NXN: variants seen among roughly 807,000 people sequenced by gnomAD.
NXN encodes the protein nucleoredoxin 1.
In NXN, 16 loss-of-function variants were observed where a neutral mutation model predicts 48.6. That is an observed-to-expected ratio of 0.33 (90% confidence interval 0.22 to 0.50). The LOEUF (loss-of-function observed/expected upper bound fraction) is 0.50. Among genes scored for constraint, NXN ranks in the 20% least tolerant of loss-of-function variants. The pLI is 0.98. For missense variants in NXN, 492 were observed against 605.5 expected (o/e 0.81, Z 1.97); for synonymous variants, 281 against 269.6 (o/e 1.04, Z -0.41).
Position 800,933 on chromosome 17 carries a change from G to C in NXN, c.*16C>G, listed in dbSNP as rs755922734. On this transcript the variant is annotated 3_prime_UTR_variant, in exon 8 of 8. Coordinates refer to ENST00000336868, the MANE Select transcript of NXN (RefSeq NM_022463.5). ...AGGCTGAGTTTTAAATAACGTCTCA[G>C]GAGGCCGGAGCCACGCTAGATGGGC... The C allele has an allele frequency of 1.4e-6, 2 of 1,420,024 alleles. No homozygotes were observed. Among genetic ancestry groups the C allele is most frequent in the South Asian group, 3.3e-5 (2 of 61,204 alleles). The allele number at this position is 1,420,024 out of a possible 1,614,324, so 88.0% of individuals were successfully genotyped here.
At chr17:861,590 G>A (rs557857380) in intron 1 of NXN, among the ~76,000 whole-genome samples, 1 of 152,270 alleles carries the variant, frequency 6.6e-6, no homozygotes, top group South Asian at 2.1e-4. Context: ...AGGGGAGGGA[G>A]AGGCCAAGCT....
At position 934,692 on chromosome 17, in the gene NXN, G is replaced by A. The variant is rs367562736; in HGVS notation, c.360+44627C>T. Among the ~76,000 whole-genome samples the A allele has an allele frequency of 8.6e-5, 13 of 151,556 alleles. No individual in the cohort carries two copies. The East Asian group carries it at 1.4e-3, about 16-fold the overall frequency. On this transcript the variant is annotated intron_variant, in intron 1 of 7. Coordinates refer to ENST00000336868, the MANE Select transcript of NXN (RefSeq NM_022463.5). ...AGTTCGGGACCAGCCTGGCCAACACGGTGAAACCCCATCTCTACTAAAAAT... is the reference window on the plus strand; with the variant it reads ...AGTTCGGGACCAGCCTGGCCAACACAGTGAAACCCCATCTCTACTAAAAAT...
At chr17:936,334 G>A (rs568406258) in intron 1 of NXN, among the ~76,000 whole-genome samples, 1 of 152,134 alleles carries the variant, frequency 6.6e-6, no homozygotes, top group African/African-American at 2.4e-5. Flanking sequence ...TGGGGTGGAA[G>A]AGCCGCCCTC....
intron 1 of NXN, among the ~76,000 whole-genome samples, chr17:939,625 C>T (rs749179092): frequency 6.6e-5 from 10 of 152,094 alleles, no homozygotes; most frequent in Non-Finnish European, 1.0e-4. Flanking sequence ...GGATTACAGG[C>T]GTGAGCCACC....
chr17:870,602 A>G (rs1434619333), intron 1 of NXN, among the ~76,000 whole-genome samples: 1 of 152,000 alleles, frequency 6.6e-6, no homozygotes, highest in African/African-American at 2.4e-5. Flanking sequence ...AATAATACAA[A>G]TAATTAGCCA....
intron 1 of NXN, among the ~76,000 whole-genome samples, chr17:947,722 G>A (rs2150613276): frequency 7.3e-6 from 1 of 136,962 alleles, no homozygotes; most frequent in East Asian, 2.1e-4. Context: ...AACAGGGTGA[G>A]GCTCCCTCTC....
At chr17:804,849 T>G (rs1050845794) in intron 6 of NXN, among the ~76,000 whole-genome samples, 5 of 152,136 alleles carry the variant, frequency 3.3e-5, no homozygotes, top group Admixed American at 3.3e-4. Context: ...AGCTGGCAGC[T>G]GGGGAGCAGC....
At chr17:954,253 C>T (rs529917413) in intron 1 of NXN, among the ~76,000 whole-genome samples, 2 of 152,144 alleles carry the variant, frequency 1.3e-5, no homozygotes, top group East Asian at 1.9e-4. Flanking sequence ...TGGTGGTGCA[C>T]GTCTGTAGTC....
intron 1 of NXN, among the ~76,000 whole-genome samples, chr17:930,811 G>A (rs2068845504): frequency 6.7e-6 from 1 of 149,364 alleles, no homozygotes; most frequent in East Asian, 2.0e-4. Flanking sequence ...CGCTCTGGTT[G>A]CCCAGGCTGG....
At position 883,848 on chromosome 17, in the gene NXN, C is replaced by T. The variant is rs576630502; in HGVS notation, c.361-57770G>A. On this transcript the variant is annotated intron_variant, in intron 1 of 7. Coordinates refer to ENST00000336868, the MANE Select transcript of NXN (RefSeq NM_022463.5). ...AATCAGCGTGGGAGGCCCAGGCAGG[C>T]GGATGACCTGAGGTCAGGAGTTTAA... Among the ~76,000 whole-genome samples, 5 of 152,276 alleles carry T rather than the reference C, an allele frequency of 3.3e-5. No individual in the cohort carries two copies. The East Asian group carries it at 7.7e-4, about 23-fold the overall frequency.
intron 1 of NXN, among the ~76,000 whole-genome samples, chr17:841,629 A>C (rs1263269203): frequency 9.5e-6 from 1 of 104,816 alleles, no homozygotes; most frequent in Non-Finnish European, 2.1e-5. Flanking sequence ...CACACGGGCA[A>C]GCAGGTCCAC....
chr17:979,189 G>T, intron 1 of NXN, 130 bp downstream of exon 1: 2 of 338,588 alleles, frequency 5.9e-6, no homozygotes, highest in Non-Finnish European at 9.8e-6. Context: ...CTGGGGGCAG[G>T]GGTCGGGGGG....
intron 1 of NXN, among the ~76,000 whole-genome samples, chr17:921,276 C>A (rs898380199): frequency 6.6e-6 from 1 of 152,084 alleles, no homozygotes; most frequent in Admixed American, 6.6e-5. Context: ...CTATGTTCCT[C>A]TGGCTCAGCC....
At chr17:945,280 C>A (rs951706265) in intron 1 of NXN, among the ~76,000 whole-genome samples, 1 of 151,346 alleles carries the variant, frequency 6.6e-6, no homozygotes, top group African/African-American at 2.4e-5. Flanking sequence ...CGAGGTTTCA[C>A]CATGTTGGCC....
intron 1 of NXN, among the ~76,000 whole-genome samples, chr17:915,004 G>C (rs1162933276): frequency 6.6e-6 from 1 of 151,610 alleles, no homozygotes; most frequent in African/African-American, 2.4e-5. Context: ...GTGCGATCTC[G>C]GCTCACTCCA....
chr17:853,123 G>A (rs990706128), intron 1 of NXN, among the ~76,000 whole-genome samples: 8 of 152,014 alleles, frequency 5.3e-5, no homozygotes, highest in South Asian at 2.1e-4. Context: ...GACCACAGGC[G>A]CCCACCACCA....
intron 1 of NXN, among the ~76,000 whole-genome samples, chr17:938,409 C>T (rs1481980239): frequency 1.3e-5 from 2 of 152,224 alleles, no homozygotes; most frequent in Non-Finnish European, 1.5e-5. Context: ...CGGCCGGGCG[C>T]GGCGGCTCAC....
intron 3 of NXN, among the ~76,000 whole-genome samples, chr17:823,268 A>G (rs899674950): frequency 1.3e-5 from 2 of 151,780 alleles, no homozygotes; most frequent in East Asian, 1.9e-4. Flanking sequence ...GCGTGGTGGC[A>G]TGCACCTGTA....
In NXN at chr17:881,874, G is replaced by A. The variant is rs147592329; in HGVS notation, c.361-55796C>T. On this transcript the variant is annotated intron_variant, in intron 1 of 7. Coordinates refer to ENST00000336868, the MANE Select transcript of NXN (RefSeq NM_022463.5). ...CGACACAAAATAACACTGACTGTACGATTCCATTTCCATGACGGTCTACAG... is the reference window on the plus strand; with the variant it reads ...CGACACAAAATAACACTGACTGTACAATTCCATTTCCATGACGGTCTACAG... Among the ~76,000 whole-genome samples the A allele has an allele frequency of 7.0e-4, 107 of 152,222 alleles. 2 individuals are homozygous for A. In the East Asian group the frequency reaches 7.5e-3, roughly 11 times the overall value.
Sources: gnomAD v4.1 joint callset for allele counts (sites outside exome capture counted in the v4.1 genomes callset) on GRCh38, gnomAD v4.1.1 for gene constraint, MANE v1.5 for transcripts, NCBI Gene and HGNC (gene_info 2026-07-23, HGNC 2026-07-21) for gene names.